DYM: variants seen among roughly 807,000 people sequenced by gnomAD.
DYM encodes the protein dymeclin, also known as dyggve-Melchior-Clausen syndrome protein.
In DYM, 78 loss-of-function variants were observed where a neutral mutation model predicts 93.1. That is an observed-to-expected ratio of 0.84 (90% confidence interval 0.70 to 1.01). The LOEUF (loss-of-function observed/expected upper bound fraction) is 1.01, where lower values mean the gene tolerates loss of function less well. DYM is among the 50% of genes least tolerant of loss of function. The probability of loss-of-function intolerance (pLI) is 0.00; values close to 1 mark genes in which losing one functional copy is unlikely to be tolerated. For synonymous variants in DYM, 321 were observed against 319.7 expected, an observed-to-expected ratio of 1.00 and a Z score of -0.04; for missense variants, 789 against 845.0, an observed-to-expected ratio of 0.93 and a Z score of 0.82.
At chr18:49,127,593 A>G (rs910252952) in intron 15 of DYM, among the ~76,000 whole-genome samples, 1 of 152,236 alleles carries the variant, frequency 6.6e-6, no homozygotes, top group African/African-American at 2.4e-5. Flanking sequence ...GGATTTTGCC[A>G]AAAGTGGGGA....
intron 5 of DYM, among the ~76,000 whole-genome samples, chr18:49,378,157 A>G (rs2067691786): frequency 6.6e-6 from 1 of 152,232 alleles, no homozygotes; most frequent in African/African-American, 2.4e-5. Context: ...GCTGCACGCT[A>G]TGAAAGTAAC....
At chr18:49,064,739 G>A (rs1025286028) in intron 17 of DYM, among the ~76,000 whole-genome samples, 7 of 151,994 alleles carry the variant, frequency 4.6e-5, no homozygotes, top group Non-Finnish European at 8.8e-5. Flanking sequence ...TTCAAAATAC[G>A]TATATATTTT....
intron 17 of DYM, among the ~76,000 whole-genome samples, chr18:49,086,994 A>G (rs1416674237): frequency 6.6e-6 from 1 of 151,958 alleles, no homozygotes; most frequent in East Asian, 1.9e-4. Flanking sequence ...GTCAAAAAAT[A>G]AAAATAAAAA....
chr18:49,417,218 T>C (rs938795170), intron 2 of DYM, among the ~76,000 whole-genome samples: 15 of 152,106 alleles, frequency 9.9e-5, no homozygotes, highest in African/African-American at 3.4e-4. Context: ...GGCCTGACCA[T>C]AGTCACTACA....
intron 13 of DYM, among the ~76,000 whole-genome samples, chr18:49,240,243 G>A (rs1369099282): frequency 1.3e-5 from 2 of 152,094 alleles, no homozygotes; most frequent in Admixed American, 6.5e-5. Flanking sequence ...TCCTGAAAGG[G>A]CATTAGAGTG....
chr18:49,038,349 T>C lies in DYM; in HGVS notation c.*5706A>G, dbSNP rs1475689004. On this transcript the variant is annotated 3_prime_UTR_variant, in exon 18 of 18. Transcript: ENST00000675505. The stretch of plus-strand genomic sequence containing the variant: ...TTTGTCTAAATTTCCTATCAAATTT[T>C]CTTTTACATATTTTGAGTTTATATT... Among the ~76,000 whole-genome samples, 1 of 152,244 alleles carries C rather than the reference T, an allele frequency of 6.6e-6. No individual in the cohort carries two copies. The highest frequency in any genetic ancestry group is 1.5e-5 in the Non-Finnish European group (1 of 68,040).
intron 8 of DYM, among the ~76,000 whole-genome samples, chr18:49,308,729 G>C (rs923287186): frequency 9.2e-5 from 14 of 152,094 alleles, no homozygotes; most frequent in African/African-American, 3.4e-4. Context: ...GACGGGAAGG[G>C]GAAAAGAACA....
At chr18:49,355,641 G>A (rs549196907) in intron 6 of DYM, among the ~76,000 whole-genome samples, 1 of 152,272 alleles carries the variant, frequency 6.6e-6, no homozygotes, top group South Asian at 2.1e-4. Flanking sequence ...TCTGCTGAGG[G>A]ACACTGACGG....
rs578055776 is a variant in DYM, at chr18:49,332,349, G to T, written c.621-343C>A. On this transcript the variant is annotated intron_variant, in intron 7 of 17. Coordinates refer to ENST00000675505, the MANE Select transcript of DYM (RefSeq NM_001353214.3). The stretch of plus-strand genomic sequence containing the variant: ...ACTCCTAAACTCAAGCGATCCTCCC[G>T]CTTCAGCCTCCCAAAGTGCTGAGAT... Among the ~76,000 whole-genome samples the T allele has an allele frequency of 2.6e-5, 4 of 152,202 alleles. No individual in the cohort carries two copies. In the South Asian group the frequency reaches 8.3e-4, roughly 32 times the overall value.
chr18:49,362,642 C>T lies in DYM; in HGVS notation c.494+519G>A, dbSNP rs553828326. ...GGGCTGTTAAGATCAAAAAGATGTG[C>T]CTCCTAGCTGACTCAATCAGTTCCT... On this transcript the variant is annotated intron_variant, in intron 6 of 17. Transcript: ENST00000675505. 3.9e-5 allele frequency among the ~76,000 whole-genome samples: 6 copies of T among 152,274 alleles called. No individual in the cohort carries two copies. In the East Asian group the frequency reaches 1.2e-3, roughly 29 times the overall value.
chr18:49,172,020 A>G (rs1446889603), intron 14 of DYM, among the ~76,000 whole-genome samples: 1 of 152,074 alleles, frequency 6.6e-6, no homozygotes, highest in Non-Finnish European at 1.5e-5. Flanking sequence ...TTTTACACTC[A>G]ATCTCCTGCT....
intron 13 of DYM, among the ~76,000 whole-genome samples, chr18:49,251,508 A>G (rs769582793): frequency 1.3e-5 from 2 of 152,130 alleles, no homozygotes; most frequent in Non-Finnish European, 2.9e-5. Context: ...AGGTTTGAAA[A>G]CGAGTTCAGT....
rs890147584 is a variant in DYM at position 49,318,804 on chromosome 18, T to C, written c.763+13060A>G. On this transcript the variant is annotated intron_variant, in intron 8 of 17. Transcript: ENST00000675505. ...GTAACATTATTTCTTTTTCTTTTTT[T>C]TTTTTTTTTTTTTTGAGACAGAGTC... 7.8e-4 allele frequency among the ~76,000 whole-genome samples: 106 copies of C among 135,332 alleles called. No individual in the cohort carries two copies. The South Asian group carries it at 0.017, about 22-fold the overall frequency. 88.8% of individuals were successfully genotyped at this position (135,332 alleles called of 152,430 possible).
At chr18:49,300,096 TA>T (rs2060821847) in intron 8 of DYM, among the ~76,000 whole-genome samples, 1 of 146,322 alleles carries the variant, frequency 6.8e-6, no homozygotes, top group South Asian at 2.1e-4. Flanking sequence ...AATATATATA[TA>T]AATATATAAA....
intron 17 of DYM, among the ~76,000 whole-genome samples, chr18:49,046,719 G>A (rs2144187065): frequency 6.6e-6 from 1 of 152,220 alleles, no homozygotes; most frequent in East Asian, 1.9e-4. Flanking sequence ...GAGCAACCTA[G>A]CAAGACCCTA....
chr18:49,330,639 A>C (rs2063239554), intron 8 of DYM, among the ~76,000 whole-genome samples: 3 of 152,318 alleles, frequency 2.0e-5, no homozygotes, highest in East Asian at 1.9e-4. Flanking sequence ...CTGCCACCCC[A>C]AAAAAACCTC....
chr18:49,352,215 A>C lies in DYM; in HGVS notation c.494+10946T>G, dbSNP rs1441485050. ...TAGGTCGGTTTTGCTAGGGGCTGAG[A>C]AATGAAGAGTGACTGCTAATGGGCA... On this transcript the variant is annotated intron_variant, in intron 6 of 17. Coordinates refer to ENST00000675505, the MANE Select transcript of DYM (RefSeq NM_001353214.3). Among the ~76,000 whole-genome samples, 8 of 152,288 alleles carry C rather than the reference A, an allele frequency of 5.3e-5. No homozygotes were observed. The East Asian group carries it at 1.5e-3, about 29-fold the overall frequency.
intron 15 of DYM, among the ~76,000 whole-genome samples, chr18:49,126,841 A>C (rs2143907183): frequency 6.6e-6 from 1 of 152,296 alleles, no homozygotes; most frequent in African/African-American, 2.4e-5. Context: ...TGGCTTTCCA[A>C]AGTTGAAATT....
intron 13 of DYM, among the ~76,000 whole-genome samples, chr18:49,239,485 G>A (rs2093962090): frequency 2.0e-5 from 3 of 152,238 alleles, no homozygotes; most frequent in Admixed American, 2.0e-4. Flanking sequence ...CTTGAATCTG[G>A]GCTGGTCTCG....
Sources: allele counts gnomAD v4.1 joint callset (sites outside exome capture counted in the v4.1 genomes callset), GRCh38; gene constraint gnomAD v4.1.1; transcripts MANE v1.5; gene names NCBI Gene and HGNC (gene_info 2026-07-23, HGNC 2026-07-21).